Variants in SPATS2L observed in about 807,000 individuals in gnomAD.
SPATS2L encodes the protein spermatogenesis associated serine rich 2 like, also known as SPATS2-like protein.
SPATS2L carries 30 observed loss-of-function variants against 59.6 expected under a neutral mutation model. The ratio of observed to expected loss-of-function variants is 0.50; its 90% confidence interval spans 0.38 to 0.68. The LOEUF (loss-of-function observed/expected upper bound fraction) is 0.68. SPATS2L is among the 30% of genes least tolerant of loss of function. The pLI is 0.00. For missense variants in SPATS2L, 615 were observed against 700.0 expected, an observed-to-expected ratio of 0.88 and a Z score of 1.37; for synonymous variants, 252 against 263.5, an observed-to-expected ratio of 0.96 and a Z score of 0.42.
Position 200,334,403 on chromosome 2 carries a change from A to T in SPATS2L, c.-23+4923A>T, listed in dbSNP as rs2080066589. Reference sequence around the variant, plus strand: ...TGTTTGAGTTCTTTGTAGATTCTGGATATTAGCCCTTTGTCAGATGAGTAG... The same window carrying T: ...TGTTTGAGTTCTTTGTAGATTCTGGTTATTAGCCCTTTGTCAGATGAGTAG... On this transcript the variant is annotated intron_variant, in intron 2 of 12. Coordinates refer to ENST00000409140, the MANE Select transcript of SPATS2L (RefSeq NM_001100423.2). Among the ~76,000 whole-genome samples the T allele has an allele frequency of 4.6e-5, 7 of 151,928 alleles. No individual in the cohort carries two copies. The South Asian group carries it at 1.5e-3, about 32-fold the overall frequency.
intron 2 of SPATS2L, among the ~76,000 whole-genome samples, chr2:200,332,033 G>A (rs2079959631): frequency 6.6e-6 from 1 of 152,106 alleles, no homozygotes; most frequent in Admixed American, 6.5e-5. Context: ...ATTGAACTTG[G>A]AACCCTTTTG....
intron 2 of SPATS2L, among the ~76,000 whole-genome samples, chr2:200,335,487 G>A (rs1049721579): frequency 1.3e-5 from 2 of 152,142 alleles, no homozygotes; most frequent in East Asian, 3.8e-4. Context: ...GTGCTTTGAC[G>A]GGGCTGGTAG....
rs551561729 is a variant in SPATS2L, at chr2:200,347,618, C to A, written c.-23+18138C>A. ...CGATGGATCCATCCTGGTCATATAA[C>A]AACCCCAGGGCTCAGGTTGGAGGCA... On this transcript the variant is annotated intron_variant, in intron 2 of 12. Transcript: ENST00000409140. Among the ~76,000 whole-genome samples the A allele has an allele frequency of 1.4e-4, 21 of 152,200 alleles. 1 individual carries two copies. The highest frequency in any genetic ancestry group is 2.1e-4 in the Non-Finnish European group (14 of 68,040).
chr2:200,412,836 G>A (rs1188047237), intron 4 of SPATS2L, among the ~76,000 whole-genome samples: 1 of 152,026 alleles, frequency 6.6e-6, no homozygotes, highest in East Asian at 1.9e-4. Context: ...CAGATCACTT[G>A]AGGCCAGGAG....
chr2:200,306,719 CG>C lies in SPATS2L; in HGVS notation c.-271del. ...GTTGTGTCAGTGAAGGAATCCAGTCCGGGGGCCGAGCTGGCTGCGCCCTCCG... is the reference window on the plus strand; with the variant it reads ...GTTGTGTCAGTGAAGGAATCCAGTCCGGGGCCGAGCTGGCTGCGCCCTCCG... On this transcript the variant is annotated 5_prime_UTR_variant, in exon 1 of 13. Coordinates refer to ENST00000409140, the MANE Select transcript of SPATS2L (RefSeq NM_001100423.2). 2 of 978,448 alleles carry C rather than the reference CG, an allele frequency of 2.0e-6. No homozygotes were observed. The highest frequency in any genetic ancestry group is 2.4e-6 in the Non-Finnish European group (2 of 827,454). 60.6% of individuals were successfully genotyped at this position (978,448 alleles called of 1,614,324 possible).
At chr2:200,334,832 G>A (rs1483298009) in intron 2 of SPATS2L, among the ~76,000 whole-genome samples, 1 of 152,012 alleles carries the variant, frequency 6.6e-6, no homozygotes, top group Admixed American at 6.6e-5. Context: ...TAGATATGTG[G>A]CATTATTTCT....
intron 8 of SPATS2L, among the ~76,000 whole-genome samples, chr2:200,448,105 CA>C (rs2085174874): frequency 2.9e-4 from 44 of 151,878 alleles, no homozygotes; most frequent in Admixed American, 2.9e-3. Context: ...GTGATCATGC[CA>C]TTATACTCCA....
At chr2:200,409,187 A>G (rs1237605982) in intron 3 of SPATS2L, among the ~76,000 whole-genome samples, 1 of 152,220 alleles carries the variant, frequency 6.6e-6, no homozygotes, top group Non-Finnish European at 1.5e-5. Context: ...CGTGAATTTT[A>G]TGAGTTCTCC....
intron 1 of SPATS2L, among the ~76,000 whole-genome samples, chr2:200,317,012 A>G (rs906032204): frequency 2.6e-5 from 4 of 152,306 alleles, no homozygotes; most frequent in African/African-American, 9.6e-5. Flanking sequence ...ATTATGGTGC[A>G]TTCATATCTT....
intron 2 of SPATS2L, among the ~76,000 whole-genome samples, chr2:200,375,111 A>G (rs555871578): frequency 2.5e-4 from 38 of 152,294 alleles, no homozygotes; most frequent in African/African-American, 8.7e-4. Flanking sequence ...TATGCTACAA[A>G]CTAAGAGTGT....
At chr2:200,413,413 G>A (rs2082953041) in intron 4 of SPATS2L, among the ~76,000 whole-genome samples, 2 of 152,256 alleles carry the variant, frequency 1.3e-5, no homozygotes, top group African/African-American at 2.4e-5. Flanking sequence ...AATTTACAAC[G>A]TAATGCTTTG....
At chr2:200,387,358 G>A (rs1198897185) in intron 2 of SPATS2L, among the ~76,000 whole-genome samples, 1 of 152,200 alleles carries the variant, frequency 6.6e-6, no homozygotes, top group Non-Finnish European at 1.5e-5. Flanking sequence ...GGAAAGCGCT[G>A]CTTTACTGGA....
chr2:200,317,671 T>C (rs2079424909), intron 1 of SPATS2L, among the ~76,000 whole-genome samples: 1 of 152,204 alleles, frequency 6.6e-6, no homozygotes, highest in South Asian at 2.1e-4. Flanking sequence ...TCTGAGATTA[T>C]AGGTACAGCA....
At chr2:200,340,394 C>CT (rs534903573) in intron 2 of SPATS2L, among the ~76,000 whole-genome samples, 7 of 151,688 alleles carry the variant, frequency 4.6e-5, no homozygotes, top group East Asian at 3.9e-4. Flanking sequence ...ACTTCAGCAT[C>CT]TTTTTTTTTG....
chr2:200,474,292 A>G (rs1233837618), intron 12 of SPATS2L, among the ~76,000 whole-genome samples: 1 of 152,148 alleles, frequency 6.6e-6, no homozygotes, highest in African/African-American at 2.4e-5. Context: ...GTTAAAGATC[A>G]TAATCAAATC....
At chr2:200,429,825 G>A (rs1367694431) in intron 6 of SPATS2L, among the ~76,000 whole-genome samples, 1 of 152,130 alleles carries the variant, frequency 6.6e-6, no homozygotes, top group Non-Finnish European at 1.5e-5. Flanking sequence ...GGCAAGAAGA[G>A]TAGATCTGGA....
chr2:200,405,381 C>CA (rs5837736), intron 3 of SPATS2L, among the ~76,000 whole-genome samples: 83,144 of 145,730 alleles, frequency 0.57, 23,081 homozygotes, highest in Middle Eastern at 0.66. Flanking sequence ...GGTTTCCTGC[C>CA]AAAAAAAAAA....
chr2:200,380,513 A>G (rs1027670490), intron 2 of SPATS2L, among the ~76,000 whole-genome samples: 3 of 152,220 alleles, frequency 2.0e-5, no homozygotes, highest in African/African-American at 7.2e-5. Context: ...GTGATATTCT[A>G]AGTGATTGGA....
At chr2:200,435,423 T>C (rs2084214479) in intron 6 of SPATS2L, among the ~76,000 whole-genome samples, 1 of 152,098 alleles carries the variant, frequency 6.6e-6, no homozygotes, top group Non-Finnish European at 1.5e-5. Flanking sequence ...TTTCCAGAGA[T>C]AACTTTTCTT....
Sources: gnomAD v4.1 joint callset for allele counts (sites outside exome capture counted in the v4.1 genomes callset) on GRCh38, gnomAD v4.1.1 for gene constraint, MANE v1.5 for transcripts, NCBI Gene and HGNC (gene_info 2026-07-23, HGNC 2026-07-21) for gene names.